DZIP1L: variants seen among roughly 807,000 people sequenced by gnomAD.
The protein encoded by DZIP1L is cilium assembly protein DZIP1L.
In DZIP1L, 90 loss-of-function variants were observed where a neutral mutation model predicts 88.7. That is an observed-to-expected ratio of 1.02 (90% CI 0.86 to 1.21). The LOEUF (loss-of-function observed/expected upper bound fraction) is 1.21. Ranked by LOEUF, DZIP1L falls within the 50% of genes most tolerant of loss-of-function variation. DZIP1L has a pLI of 0.00. For synonymous variants in DZIP1L, 363 were observed against 372.1 expected (o/e 0.98, Z 0.28); for missense variants, 932 against 955.8 (o/e 0.98, Z 0.33).
Position 138,110,134 on chromosome 3 carries a change from T to C in DZIP1L, c.-82+5194A>G, listed in dbSNP as rs574150226. 5.3e-4 allele frequency among the ~76,000 whole-genome samples: 80 copies of C among 152,258 alleles called. 1 individual carries two copies. The South Asian group carries it at 7.1e-3, about 13-fold the overall frequency. On this transcript the variant is annotated intron_variant, in intron 1 of 15. Coordinates refer to ENST00000327532, the MANE Select transcript of DZIP1L (RefSeq NM_173543.3). Reference sequence around the variant, plus strand: ...TTGTCTATTTCGGCTTTTGTTACCATTGCTTTTGGTGTTTTAGTCATGAAG... The same window carrying C: ...TTGTCTATTTCGGCTTTTGTTACCACTGCTTTTGGTGTTTTAGTCATGAAG...
chr3:138,103,550 T>C lies in DZIP1L; in HGVS notation c.422A>G (p.Glu141Gly). ...RQADELKGVREESRRRRKMIS... is the reference protein window; with the variant it reads ...RQADELKGVRGESRRRRKMIS... ...CATCTTGCGACGCCGGCGGCTCTCC[T>C]CCCGCACACCCTTGAGCTCGTCAGC... The change falls in exon 2 of 16, where the codon GAG (glutamate) becomes GGG (glycine). Residue 141 changes from glutamate (E) to glycine (G), a missense_variant. Glu to Gly is a moderately conservative substitution (Grantham distance 98). Coordinates refer to ENST00000327532, the MANE Select transcript of DZIP1L (RefSeq NM_173543.3). 6.2e-7 allele frequency: 1 copy of C among 1,610,096 alleles called. No homozygotes were observed. Among genetic ancestry groups the C allele is most frequent in the Non-Finnish European group, 8.5e-7 (1 of 1,179,758 alleles).
chr3:138,106,742 G>C (rs1471649489), intron 1 of DZIP1L, among the ~76,000 whole-genome samples: 3 of 152,100 alleles, frequency 2.0e-5, no homozygotes, highest in African/African-American at 7.2e-5. Flanking sequence ...TGAGGCAGGA[G>C]AATGGTGTGA....
intron 1 of DZIP1L, among the ~76,000 whole-genome samples, chr3:138,105,555 C>T (rs1012104932): frequency 2.6e-5 from 4 of 151,832 alleles, no homozygotes; most frequent in Admixed American, 2.6e-4. Flanking sequence ...ATACCTAATA[C>T]AATGTAAATG....
chr3:138,078,443 T>C (rs953559402), intron 10 of DZIP1L, among the ~76,000 whole-genome samples: 45 of 152,286 alleles, frequency 3.0e-4, no homozygotes, highest in African/African-American at 1.1e-3. Context: ...TGGCTGCGAG[T>C]TGGAATCACC....
At chr3:138,089,964 G>A (rs1463701294) in intron 5 of DZIP1L, among the ~76,000 whole-genome samples, 5 of 151,876 alleles carry the variant, frequency 3.3e-5, no homozygotes, top group African/African-American at 9.7e-5. Context: ...GTAACATGGC[G>A]AAACCCCATC....
At chr3:138,081,853 G>A in intron 8 of DZIP1L, 89 bp from the exon 9 acceptor site, 1 of 1,399,838 alleles carries the variant, frequency 7.1e-7, no homozygotes. Flanking sequence ...GCACAGTGAG[G>A]AAGGGATGGC....
intron 2 of DZIP1L, chr3:138,102,380 A>C (rs2042347220): frequency 3.3e-6 from 4 of 1,222,062 alleles, no homozygotes; most frequent in Non-Finnish European, 4.8e-6. Flanking sequence ...TCTCATCCTC[A>C]TACTTGTTCT....
intron 4 of DZIP1L, among the ~76,000 whole-genome samples, chr3:138,094,624 G>A (rs767096580): frequency 6.6e-6 from 1 of 152,238 alleles, no homozygotes; most frequent in Non-Finnish European, 1.5e-5. Context: ...GCTGACTAAT[G>A]CAGGAAACTG....
At chr3:138,087,428 A>G (rs1234972671) in intron 6 of DZIP1L, among the ~76,000 whole-genome samples, 2 of 152,242 alleles carry the variant, frequency 1.3e-5, no homozygotes, top group East Asian at 3.8e-4. Context: ...TTTTGACTAC[A>G]TAAACATTAA....
At chr3:138,070,170 C>G (rs1369138674) in intron 12 of DZIP1L, among the ~76,000 whole-genome samples, 1 of 152,210 alleles carries the variant, frequency 6.6e-6, no homozygotes, top group Non-Finnish European at 1.5e-5. Context: ...CCACCACCCC[C>G]ATGCTTGGCT....
intron 1 of DZIP1L, 70 bp downstream of exon 1, chr3:138,115,258 A>C (rs1220175596): frequency 6.6e-6 from 1 of 152,216 alleles, no homozygotes; most frequent in Non-Finnish European, 1.5e-5. Flanking sequence ...CTCGGACTGC[A>C]GCCAAGCTAC....
At chr3:138,093,276 T>C (rs1348696486) in intron 4 of DZIP1L, among the ~76,000 whole-genome samples, 1 of 152,022 alleles carries the variant, frequency 6.6e-6, no homozygotes, top group Non-Finnish European at 1.5e-5. Flanking sequence ...CAATGAGCAG[T>C]AATTATTTTG....
At chr3:138,074,718 C>A (rs1344033774) in intron 11 of DZIP1L, among the ~76,000 whole-genome samples, 3 of 138,960 alleles carry the variant, frequency 2.2e-5, no homozygotes, top group East Asian at 4.2e-4. Flanking sequence ...AGGACCTATA[C>A]AACAATAATA....
chr3:138,067,860 G>A (rs1942983206), intron 13 of DZIP1L, among the ~76,000 whole-genome samples, 160 bp from the exon 14 acceptor site: 1 of 152,214 alleles, frequency 6.6e-6, no homozygotes, highest in Non-Finnish European at 1.5e-5. Flanking sequence ...GAGTGCAGCA[G>A]CCACACCAGT....
rs1456935969 is a variant in DZIP1L at position 138,074,732 on chromosome 3, G to A, written c.1422+2767C>T. ...TAGGACCTATACAACAATAATACAC[G>A]AAAAAAAAAAAAGGCAAGGTATTCA... On this transcript the variant is annotated intron_variant, in intron 11 of 15. Coordinates refer to ENST00000327532, the MANE Select transcript of DZIP1L (RefSeq NM_173543.3). 1.1e-3 allele frequency among the ~76,000 whole-genome samples: 151 copies of A among 140,704 alleles called. 1 individual carries two copies. The highest frequency in any genetic ancestry group is 3.5e-3 in the African/African-American group (129 of 37,080). 92.3% of individuals were successfully genotyped at this position (140,704 alleles called of 152,430 possible).
In DZIP1L at chr3:138,063,085, G is replaced by A. The variant is rs960340405; in HGVS notation, c.2143-108C>T. The A allele has an allele frequency of 2.4e-6, 3 of 1,229,058 alleles. No individual in the cohort carries two copies. The highest frequency in any genetic ancestry group is 3.0e-5 in the African/African-American group (2 of 67,674). The allele number at this position is 1,229,058 out of a possible 1,614,324, so 76.1% of individuals were successfully genotyped here. A position where few individuals can be genotyped will look rare whatever the true frequency, so the allele number is the denominator to read the frequency against. On this transcript the variant is annotated intron_variant, in intron 15 of 15. Transcript: ENST00000327532. The surrounding 1 kb of genome is among the most constrained non-coding windows in gnomAD (Gnocchi z 4.1). ...ATGCAGAATGGAAATGGGGACAAAT[G>A]CAGACTGGGAAGAAAGCAATAGGGA...
chr3:138,086,851 A>C, intron 7 of DZIP1L, 110 bp downstream of exon 7: 1 of 1,151,488 alleles, frequency 8.7e-7, no homozygotes, highest in Non-Finnish European at 1.3e-6. Flanking sequence ...TCTGCCAACC[A>C]GTTCCAGGTG....
chr3:138,099,670 G>C (rs546881449), intron 2 of DZIP1L, among the ~76,000 whole-genome samples: 10 of 152,212 alleles, frequency 6.6e-5, no homozygotes, highest in Non-Finnish European at 1.3e-4. Flanking sequence ...CCCTCCCTTG[G>C]GGGTGAGGGA....
chr3:138,079,139 GACAA>G (rs777209585), intron 10 of DZIP1L, among the ~76,000 whole-genome samples: 21 of 152,208 alleles, frequency 1.4e-4, no homozygotes, highest in Non-Finnish European at 2.4e-4. Flanking sequence ...GGAAGAGGTA[GACAA>G]ACAGTGTAGT....
Sources: allele counts gnomAD v4.1 joint callset (sites outside exome capture counted in the v4.1 genomes callset), GRCh38; gene constraint gnomAD v4.1.1; non-coding constraint Gnocchi (gnomAD v3.1); transcripts MANE v1.5; gene names NCBI Gene and HGNC (gene_info 2026-07-23, HGNC 2026-07-21).